Variants in FBXL7 observed in about 807,000 individuals in gnomAD.
FBXL7 encodes F-box and leucine rich repeat protein 7, also known as F-box/LRR-repeat protein 7.
A neutral mutation model predicts 38.3 loss-of-function variants in FBXL7; 12 were observed. The observed-to-expected ratio is 0.31, with a 90% CI of 0.20 to 0.51. FBXL7 has a LOEUF of 0.51. FBXL7 is among the 20% of genes least tolerant of loss of function. The probability of loss-of-function intolerance (pLI) is 0.98; values close to 1 mark genes in which losing one functional copy is unlikely to be tolerated. For missense variants in FBXL7, 567 were observed against 676.4 expected (o/e 0.84, Z 1.79); for synonymous variants, 297 against 300.9 (o/e 0.99, Z 0.13).
At chr5:15,916,789 C>T (rs754815297) in intron 2 of FBXL7, among the ~76,000 whole-genome samples, 8 of 152,126 alleles carry the variant, frequency 5.3e-5, no homozygotes, top group Non-Finnish European at 1.0e-4. Flanking sequence ...TTTATCTTCC[C>T]TCCACCTCCA....
intron 2 of FBXL7, among the ~76,000 whole-genome samples, chr5:15,705,938 A>T (rs551713357): frequency 1.3e-5 from 2 of 152,224 alleles, no homozygotes; most frequent in Non-Finnish European, 2.9e-5. Context: ...ATAGTATTAT[A>T]CTAGAAAGGG....
intron 1 of FBXL7, among the ~76,000 whole-genome samples, chr5:15,524,751 A>T (rs924543271): frequency 1.3e-5 from 2 of 152,222 alleles, no homozygotes; most frequent in Non-Finnish European, 2.9e-5. Context: ...TTATCCATTT[A>T]TCATAGGAGA....
Position 15,812,502 on chromosome 5 carries a change from A to C in FBXL7, c.128-115388A>C, listed in dbSNP as rs199993885. On this transcript the variant is annotated intron_variant, in intron 2 of 3. Coordinates refer to ENST00000504595, the MANE Select transcript of FBXL7 (RefSeq NM_012304.5). The stretch of plus-strand genomic sequence containing the variant: ...CACATGTATCCCAGAACTTAAAGTA[A>C]AATTTTAAAAAAATTTTAAAAATTA... Among the ~76,000 whole-genome samples, 6 of 152,168 alleles carry C rather than the reference A, an allele frequency of 3.9e-5. No homozygotes were observed. The East Asian group carries it at 1.2e-3, about 29-fold the overall frequency.
At chr5:15,554,251 A>G (rs1292282680) in intron 1 of FBXL7, among the ~76,000 whole-genome samples, 1 of 152,088 alleles carries the variant, frequency 6.6e-6, no homozygotes, top group East Asian at 1.9e-4. Context: ...TGGGGTTCTT[A>G]GGTGGCAGAG....
chr5:15,698,981 T>G (rs771575502), intron 2 of FBXL7, among the ~76,000 whole-genome samples: 69 of 152,114 alleles, frequency 4.5e-4, no homozygotes, highest in Non-Finnish European at 9.0e-4. Context: ...GAACTTGTCT[T>G]TCTTTTTTCT....
intron 2 of FBXL7, among the ~76,000 whole-genome samples, chr5:15,881,910 T>C (rs1383940077): frequency 1.3e-5 from 2 of 152,152 alleles, no homozygotes; most frequent in African/African-American, 2.4e-5. Flanking sequence ...CTTCAGGCTA[T>C]ATAGGAAGCA....
At chr5:15,521,190 A>G (rs1180532707) in intron 1 of FBXL7, among the ~76,000 whole-genome samples, 3 of 152,214 alleles carry the variant, frequency 2.0e-5, no homozygotes, top group African/African-American at 7.2e-5. Flanking sequence ...CTTCCCTCCA[A>G]GAGTTGTCGG....
chr5:15,851,308 C>G (rs1312305111), intron 2 of FBXL7, among the ~76,000 whole-genome samples: 1 of 152,038 alleles, frequency 6.6e-6, no homozygotes, highest in Non-Finnish European at 1.5e-5. Context: ...AGCCTGTGTG[C>G]AAAATGAAGT....
At chr5:15,511,864 G>T (rs1736806089) in intron 1 of FBXL7, among the ~76,000 whole-genome samples, 1 of 152,038 alleles carries the variant, frequency 6.6e-6, no homozygotes, top group Non-Finnish European at 1.5e-5. Flanking sequence ...CAAAACACAG[G>T]GCCAAAACCC....
intron 2 of FBXL7, among the ~76,000 whole-genome samples, chr5:15,863,832 A>G (rs2126811716): frequency 6.6e-6 from 1 of 152,296 alleles, no homozygotes; most frequent in Admixed American, 6.5e-5. Context: ...CTCTCTGCCC[A>G]TGCAGGGTCC....
At chr5:15,714,825 G>C (rs1273139287) in intron 2 of FBXL7, among the ~76,000 whole-genome samples, 2 of 147,314 alleles carry the variant, frequency 1.4e-5, no homozygotes, top group Non-Finnish European at 1.5e-5. Flanking sequence ...CTCCAGCCTG[G>C]GCAACAGAGC....
chr5:15,530,217 T>C (rs1364917201), intron 1 of FBXL7, among the ~76,000 whole-genome samples: 1 of 152,202 alleles, frequency 6.6e-6, no homozygotes, highest in Non-Finnish European at 1.5e-5. Context: ...ACTTGTTTGT[T>C]TGAGTCATTT....
At chr5:15,555,122 T>C (rs1410811042) in intron 1 of FBXL7, among the ~76,000 whole-genome samples, 1 of 152,156 alleles carries the variant, frequency 6.6e-6, no homozygotes, top group Non-Finnish European at 1.5e-5. Context: ...AAATTTAACT[T>C]ATAGTAAATA....
intron 2 of FBXL7, among the ~76,000 whole-genome samples, chr5:15,743,867 C>G (rs1735951142): frequency 6.6e-6 from 1 of 152,226 alleles, no homozygotes; most frequent in South Asian, 2.1e-4. Flanking sequence ...GGCCCAGCAC[C>G]ACGTGTAATC....
chr5:15,874,564 C>T (rs537786747), intron 2 of FBXL7, among the ~76,000 whole-genome samples: 3 of 152,316 alleles, frequency 2.0e-5, no homozygotes, highest in African/African-American at 7.2e-5. Context: ...GCAACTTCAG[C>T]TAAGTCTCAG....
chr5:15,726,023 T>C (rs1744340376), intron 2 of FBXL7, among the ~76,000 whole-genome samples: 1 of 152,208 alleles, frequency 6.6e-6, no homozygotes, highest in East Asian at 1.9e-4. Context: ...TCTGACAGTT[T>C]TTGCCTCATA....
chr5:15,753,789 A>G (rs1384025508), intron 2 of FBXL7, among the ~76,000 whole-genome samples: 3 of 152,212 alleles, frequency 2.0e-5, no homozygotes, highest in Non-Finnish European at 4.4e-5. Flanking sequence ...TCCCCCTTCA[A>G]AAGTCTTACA....
chr5:15,667,459 G>T (rs538693353), intron 2 of FBXL7, among the ~76,000 whole-genome samples: 113 of 152,124 alleles, frequency 7.4e-4, no homozygotes, highest in Admixed American at 2.6e-3. Flanking sequence ...GGAATACTAT[G>T]CTTGATAAAC....
At chr5:15,658,366 G>A (rs1164722211) in intron 2 of FBXL7, among the ~76,000 whole-genome samples, 1 of 152,164 alleles carries the variant, frequency 6.6e-6, no homozygotes, top group Non-Finnish European at 1.5e-5. Context: ...ATCTTGAATT[G>A]TAGTTCCCAT....
Sources: gnomAD v4.1 joint callset for allele counts (sites outside exome capture counted in the v4.1 genomes callset) on GRCh38, gnomAD v4.1.1 for gene constraint, MANE v1.5 for transcripts, NCBI Gene and HGNC (gene_info 2026-07-23, HGNC 2026-07-21) for gene names.